Variants in TCF12 observed in about 807,000 individuals in gnomAD.
The protein encoded by TCF12 is transcription factor 12.
A neutral mutation model predicts 86.0 loss-of-function variants in TCF12; 45 were observed. The ratio of observed to expected loss-of-function variants is 0.52; its 90% CI spans 0.41 to 0.67. The LOEUF (loss-of-function observed/expected upper bound fraction) is 0.67. Ranked by LOEUF, TCF12 falls within the 30% of genes least tolerant of loss-of-function variation. The pLI is 0.00. For missense variants in TCF12, 881 were observed against 859.9 expected, an observed-to-expected ratio of 1.02 and a Z score of -0.31; for synonymous variants, 330 against 299.6, an observed-to-expected ratio of 1.10 and a Z score of -1.05.
chr15:56,935,841 G>A (rs1240044731), intron 3 of TCF12, among the ~76,000 whole-genome samples: 2 of 151,930 alleles, frequency 1.3e-5, no homozygotes, highest in Non-Finnish European at 2.9e-5. Context: ...ATTCTATCAT[G>A]TATATATATA....
At chr15:57,056,374 T>A (rs1185360245) in intron 3 of TCF12, among the ~76,000 whole-genome samples, 3 of 152,172 alleles carry the variant, frequency 2.0e-5, no homozygotes, top group African/African-American at 7.2e-5. Context: ...ACTCCTGACC[T>A]CAGGTGATCC....
chr15:57,102,500 AG>A (rs1390969576), intron 5 of TCF12, among the ~76,000 whole-genome samples: 1 of 152,032 alleles, frequency 6.6e-6, no homozygotes, highest in South Asian at 2.1e-4. Context: ...AGGGAGGCTG[AG>A]ACAGAAGAAT....
At chr15:57,025,080 C>CT in intron 3 of TCF12, among the ~76,000 whole-genome samples, 1 of 144,940 alleles carries the variant, frequency 6.9e-6, no homozygotes, top group South Asian at 2.2e-4. Flanking sequence ...GTCCCCGCTA[C>CT]CTTTTTTTTT....
At chr15:56,964,360 C>G (rs1297137130) in intron 3 of TCF12, among the ~76,000 whole-genome samples, 2 of 152,180 alleles carry the variant, frequency 1.3e-5, no homozygotes, top group African/African-American at 4.8e-5. Context: ...AATTCCCAGA[C>G]TCTGTGATCT....
At chr15:56,923,147 A>G (rs1316653969) in intron 3 of TCF12, among the ~76,000 whole-genome samples, 1 of 152,090 alleles carries the variant, frequency 6.6e-6, no homozygotes, top group Non-Finnish European at 1.5e-5. Context: ...TATGAAAACT[A>G]GAGTTTATAG....
At chr15:57,040,810 C>T (rs1288109995) in intron 3 of TCF12, among the ~76,000 whole-genome samples, 2 of 152,130 alleles carry the variant, frequency 1.3e-5, no homozygotes, top group Non-Finnish European at 2.9e-5. Flanking sequence ...AATTAACTTA[C>T]TCATAATATG....
intron 3 of TCF12, among the ~76,000 whole-genome samples, chr15:57,048,598 TCTTA>T (rs1193418156): frequency 1.3e-5 from 2 of 152,154 alleles, no homozygotes; most frequent in African/African-American, 4.8e-5. Context: ...GAGGACTAAG[TCTTA>T]CTTTGTATCT....
intron 12 of TCF12, among the ~76,000 whole-genome samples, chr15:57,236,362 T>C (rs2059380672): frequency 6.6e-6 from 1 of 152,126 alleles, no homozygotes; most frequent in African/African-American, 2.4e-5. Context: ...TTAGAAGAGA[T>C]GAGGAGAAGG....
intron 12 of TCF12, among the ~76,000 whole-genome samples, 159 bp from the exon 13 acceptor site, chr15:57,243,313 C>T (rs1423540210): frequency 6.6e-6 from 1 of 152,076 alleles, no homozygotes; most frequent in East Asian, 1.9e-4. Context: ...TAAACTGAGG[C>T]TTCTGTATGA....
intron 5 of TCF12, among the ~76,000 whole-genome samples, chr15:57,105,283 G>T (rs1465500881): frequency 6.6e-6 from 1 of 152,078 alleles, no homozygotes; most frequent in Non-Finnish European, 1.5e-5. Context: ...GCCTTGTATC[G>T]CCATCTCTTA....
intron 5 of TCF12, among the ~76,000 whole-genome samples, chr15:57,117,898 A>G (rs2050952443): frequency 6.6e-6 from 1 of 152,114 alleles, no homozygotes; most frequent in East Asian, 1.9e-4. Flanking sequence ...TGAAGAGTTT[A>G]TATTTCAATA....
intron 3 of TCF12, among the ~76,000 whole-genome samples, chr15:56,927,003 G>A (rs535065548): frequency 1.3e-5 from 2 of 152,132 alleles, no homozygotes; most frequent in Non-Finnish European, 2.9e-5. Context: ...CTGGTGAAGG[G>A]TTAGATTTGG....
chr15:57,140,152 C>T lies in TCF12; in HGVS notation c.326-26250C>T, dbSNP rs1440837430. ...CAGTTAACCAAAGGATGGAAGTAAC[C>T]AAGTGTGTGTTGATGAATGAATGGA... On this transcript the variant is annotated intron_variant, in intron 5 of 20. Coordinates refer to ENST00000333725, the MANE Select transcript of TCF12 (RefSeq NM_207037.2). 2.0e-5 allele frequency among the ~76,000 whole-genome samples: 3 copies of T among 152,062 alleles called. No individual in the cohort carries two copies. In the East Asian group the frequency reaches 5.8e-4, roughly 29 times the overall value.
chr15:57,203,328 A>C (rs1179299738), intron 8 of TCF12, among the ~76,000 whole-genome samples: 2 of 152,148 alleles, frequency 1.3e-5, no homozygotes, highest in Non-Finnish European at 2.9e-5. Context: ...TCAGATGCAG[A>C]AAAGTTTCTT....
chr15:57,007,256 A>T (rs1485206076), intron 3 of TCF12, among the ~76,000 whole-genome samples: 1 of 152,202 alleles, frequency 6.6e-6, no homozygotes, highest in Non-Finnish European at 1.5e-5. Flanking sequence ...TTCCTTATCT[A>T]CCAATATTAA....
At chr15:57,019,814 A>G (rs1009232113) in intron 3 of TCF12, among the ~76,000 whole-genome samples, 1 of 152,188 alleles carries the variant, frequency 6.6e-6, no homozygotes, top group African/African-American at 2.4e-5. Context: ...GCAAAAGACT[A>G]TAGAAACTAT....
At chr15:57,139,309 A>G (rs1420436122) in intron 5 of TCF12, among the ~76,000 whole-genome samples, 2 of 152,172 alleles carry the variant, frequency 1.3e-5, no homozygotes, top group East Asian at 1.9e-4. Flanking sequence ...TTTTATGGCT[A>G]TTAATTACAT....
intron 3 of TCF12, among the ~76,000 whole-genome samples, chr15:56,970,554 A>G (rs181116679): frequency 8.7e-4 from 132 of 151,820 alleles, no homozygotes; most frequent in African/African-American, 2.8e-3. Context: ...AGAGATCCCA[A>G]TGTAAAAGAA....
intron 3 of TCF12, among the ~76,000 whole-genome samples, chr15:56,941,616 C>G (rs1341562478): frequency 6.6e-6 from 1 of 151,640 alleles, no homozygotes; most frequent in African/African-American, 2.4e-5. Context: ...CTCAGGTGAT[C>G]CGCCTTCCTC....
Sources: gnomAD v4.1 joint callset for allele counts (sites outside exome capture counted in the v4.1 genomes callset) on GRCh38, gnomAD v4.1.1 for gene constraint, MANE v1.5 for transcripts, NCBI Gene and HGNC (gene_info 2026-07-23, HGNC 2026-07-21) for gene names.